HRK: variants seen among roughly 807,000 people sequenced by gnomAD.
HRK encodes harakiri, BCL2 interacting protein.
In HRK, 6 loss-of-function variants were observed where a neutral mutation model predicts 5.9. The observed-to-expected ratio is 1.02, with a 90% CI of 0.56 to 2.01. The LOEUF (loss-of-function observed/expected upper bound fraction) is 2.01, where lower values mean the gene tolerates loss of function less well. Among genes scored for constraint, HRK ranks in the 30% most tolerant of loss-of-function variants. The pLI is 0.00. For synonymous variants in HRK, 85 were observed against 65.1 expected, an observed-to-expected ratio of 1.31 and a Z score of -1.47; for missense variants, 133 against 128.3, an observed-to-expected ratio of 1.04 and a Z score of -0.18.
At chr12:116,871,459 C>A (rs374113294) in intron 1 of HRK, among the ~76,000 whole-genome samples, 1 of 151,494 alleles carries the variant, frequency 6.6e-6, no homozygotes, top group Non-Finnish European at 1.5e-5. Context: ...TGTGCCACCA[C>A]ACCAGGCTAA....
rs1458657202 is a variant in HRK, at chr12:116,858,543, T to A, written c.*2980A>T. The A allele has an allele frequency of 7.2e-6, 1 of 139,144 alleles. No individual in the cohort carries two copies. Among genetic ancestry groups the A allele is most frequent in the Non-Finnish European group, 1.5e-5 (1 of 65,598 alleles). The allele number at this position is 139,144 out of a possible 1,614,324, so 8.6% of individuals were successfully genotyped here. On this transcript the variant is annotated 3_prime_UTR_variant, in exon 2 of 2. Coordinates refer to ENST00000257572, the MANE Select transcript of HRK (RefSeq NM_003806.4). ...ATTATGCAGCAAGCTACCTAAACGA[T>A]GATCTCAGAGGCCTCCCTCTGCTTG...
intron 1 of HRK, among the ~76,000 whole-genome samples, chr12:116,866,983 A>G (rs1450388218): frequency 6.6e-6 from 1 of 151,972 alleles, no homozygotes; most frequent in East Asian, 1.9e-4. Context: ...TTTGTTTGCA[A>G]AGTTGTCCAA....
intron 1 of HRK, among the ~76,000 whole-genome samples, chr12:116,873,433 G>A (rs1478667335): frequency 1.3e-5 from 2 of 152,150 alleles, no homozygotes; most frequent in African/African-American, 2.4e-5. Flanking sequence ...ACAGTGGTAC[G>A]ATTATAGCTC....
chr12:116,879,894 C>T lies in HRK; in HGVS notation c.*56+1082G>A, dbSNP rs1229857741. Among the ~76,000 whole-genome samples, 1 of 152,230 alleles carries T rather than the reference C, an allele frequency of 6.6e-6. No homozygotes were observed. The highest frequency in any genetic ancestry group is 1.5e-5 in the Non-Finnish European group (1 of 68,024). On this transcript the variant is annotated intron_variant, in intron 1 of 1. Coordinates refer to ENST00000257572, the MANE Select transcript of HRK (RefSeq NM_003806.4). This position sits in a 1 kb window ranked among gnomAD's most constrained non-coding sequence, Gnocchi z 5.6. ...CTGGCTATGTCACCTTCGAGCTTCA[C>T]CTTCCGGCCCTAGACCCATCTATGG...
rs180697021 is a variant in HRK, at chr12:116,866,463, G to A, written c.*57-4997C>T. Among the ~76,000 whole-genome samples the A allele has an allele frequency of 1.1e-3, 160 of 151,780 alleles. 1 individual carries two copies. The highest frequency in any genetic ancestry group is 1.4e-3 in the East Asian group (7 of 5,172). On this transcript the variant is annotated intron_variant, in intron 1 of 1. Coordinates refer to ENST00000257572, the MANE Select transcript of HRK (RefSeq NM_003806.4). ...ATCCTCTTGAAAAGAAGATTGCTCC[G>A]GTCCATGTTATCCCTTAAATCTCCA...
rs1879016993 is a variant in HRK at position 116,878,451 on chromosome 12, AACTT to A, written c.*56+2521_*56+2524del. ...GGTGATTTTTCTTTCCCCTTTACTT[AACTT>A]ACCAGAGCTGGGAAAAAATGAGTTT... On this transcript the variant is annotated intron_variant, in intron 1 of 1. Coordinates refer to ENST00000257572, the MANE Select transcript of HRK (RefSeq NM_003806.4). The surrounding 1 kb of genome is among the most constrained non-coding windows in gnomAD (Gnocchi z 4.4). The A allele has an allele frequency of 6.6e-6, 1 of 152,262 alleles. No individual in the cohort carries two copies. Among genetic ancestry groups the A allele is most frequent in the South Asian group, 2.1e-4 (1 of 4,834 alleles). The allele number at this position is 152,262 out of a possible 1,614,324, so 9.4% of individuals were successfully genotyped here.
At position 116,860,874 on chromosome 12, in the gene HRK, T is replaced by A. The variant is rs1032713288; in HGVS notation, c.*649A>T. On this transcript the variant is annotated 3_prime_UTR_variant, in exon 2 of 2. Transcript: ENST00000257572. ...AGAGACACAAAAATCCCATTTCTCTTGACGTGACAGTGGGATCTAGCGATC... is the reference window on the plus strand; with the variant it reads ...AGAGACACAAAAATCCCATTTCTCTAGACGTGACAGTGGGATCTAGCGATC... The A allele has an allele frequency of 6.6e-6, 1 of 152,234 alleles. No individual in the cohort carries two copies. Among genetic ancestry groups the A allele is most frequent in the African/African-American group, 2.4e-5 (1 of 41,420 alleles). The allele number at this position is 152,234 out of a possible 1,614,324, so 9.4% of individuals were successfully genotyped here.
chr12:116,875,593 G>A (rs530718625), intron 1 of HRK, among the ~76,000 whole-genome samples: 36 of 152,210 alleles, frequency 2.4e-4, no homozygotes, highest in African/African-American at 7.9e-4. Flanking sequence ...GCCCAGGCTA[G>A]AGTACAGTGG....
Position 116,879,038 on chromosome 12 carries a change from C to A in HRK, c.*56+1938G>T, listed in dbSNP as rs1879039670. 1 of 152,360 alleles carries A rather than the reference C, an allele frequency of 6.6e-6. No individual in the cohort carries two copies. The highest frequency in any genetic ancestry group is 1.5e-5 in the Non-Finnish European group (1 of 68,214). The allele number at this position is 152,360 out of a possible 1,614,324, so 9.4% of individuals were successfully genotyped here. A position where few individuals can be genotyped will look rare whatever the true frequency, so the allele number is the denominator to read the frequency against. ...CCCGCCCCGCCCGCAGCCTCCCCTTCCAGGCCCCGGGAGCATTCCCACCCC... is the reference window on the plus strand; with the variant it reads ...CCCGCCCCGCCCGCAGCCTCCCCTTACAGGCCCCGGGAGCATTCCCACCCC... On this transcript the variant is annotated intron_variant, in intron 1 of 1. Coordinates refer to ENST00000257572, the MANE Select transcript of HRK (RefSeq NM_003806.4). The surrounding 1 kb of genome is among the most constrained non-coding windows in gnomAD (Gnocchi z 5.6).
At chr12:116,870,393 G>A (rs884378) in intron 1 of HRK, among the ~76,000 whole-genome samples, 43,361 of 151,980 alleles carry the variant, frequency 0.29, 6,829 homozygotes, top group African/African-American at 0.43. Flanking sequence ...CACGCTAGGC[G>A]TCATCCACAC....
rs1475999115 is a variant in HRK at position 116,858,953 on chromosome 12, A to C, written c.*2570T>G. ...ATACAAATGTCCATCAAGAAGTCAA[A>C]TCTCATATAAAAACAAGCATTAAAA... On this transcript the variant is annotated 3_prime_UTR_variant, in exon 2 of 2. Transcript: ENST00000257572. 8 of 152,166 alleles carry C rather than the reference A, an allele frequency of 5.3e-5. No homozygotes were observed. Among genetic ancestry groups the C allele is most frequent in the Admixed American group, 4.6e-4 (7 of 15,272 alleles). 9.4% of individuals were successfully genotyped at this position (152,166 alleles called of 1,614,324 possible). A position where few individuals can be genotyped will look rare whatever the true frequency, so the allele number is the denominator to read the frequency against.
At chr12:116,864,819 C>T (rs1878481002) in intron 1 of HRK, among the ~76,000 whole-genome samples, 1 of 152,038 alleles carries the variant, frequency 6.6e-6, no homozygotes, top group South Asian at 2.1e-4. Context: ...TTCCAAGCAG[C>T]AGTAGTAATC....
chr12:116,874,586 C>A (rs1413715563), intron 1 of HRK, among the ~76,000 whole-genome samples: 2 of 152,188 alleles, frequency 1.3e-5, no homozygotes, highest in Non-Finnish European at 2.9e-5. Context: ...CCTCACCACT[C>A]CCCCATGAGG....
chr12:116,870,010 G>A (rs1878689226), intron 1 of HRK, among the ~76,000 whole-genome samples: 1 of 152,136 alleles, frequency 6.6e-6, no homozygotes, highest in African/African-American at 2.4e-5. Context: ...AACCCGGGAG[G>A]CAGAGGTTGC....
chr12:116,859,104 G>C lies in HRK; in HGVS notation c.*2419C>G, dbSNP rs1878264153. 1 of 152,190 alleles carries C rather than the reference G, an allele frequency of 6.6e-6. No individual in the cohort carries two copies. Among genetic ancestry groups the C allele is most frequent in the Admixed American group, 6.5e-5 (1 of 15,278 alleles). The allele number at this position is 152,190 out of a possible 1,614,324, so 9.4% of individuals were successfully genotyped here. ...CAGGAGAATATCTACAAGGGACTTGGCTGAGAAGCTCTATCAGGAGGTCGT... is the reference window on the plus strand; with the variant it reads ...CAGGAGAATATCTACAAGGGACTTGCCTGAGAAGCTCTATCAGGAGGTCGT... On this transcript the variant is annotated 3_prime_UTR_variant, in exon 2 of 2. Coordinates refer to ENST00000257572, the MANE Select transcript of HRK (RefSeq NM_003806.4).
rs529764437 is a variant in HRK at position 116,856,939 on chromosome 12, T to A, written c.*4584A>T. 6.6e-6 allele frequency: 1 copy of A among 152,298 alleles called. No individual in the cohort carries two copies. Among genetic ancestry groups the A allele is most frequent in the African/African-American group, 2.4e-5 (1 of 41,464 alleles). 9.4% of individuals were successfully genotyped at this position (152,298 alleles called of 1,614,324 possible). ...ACGGGTAAAGCACTTCGCCCAGTGC[T>A]TGGGAGTGGCGAGCACGCCATAAAA... is the stretch of plus-strand genomic sequence containing the variant. On this transcript the variant is annotated 3_prime_UTR_variant, in exon 2 of 2. Coordinates refer to ENST00000257572, the MANE Select transcript of HRK (RefSeq NM_003806.4). The surrounding 1 kb of genome is among the most constrained non-coding windows in gnomAD (Gnocchi z 4.4).
In HRK at chr12:116,856,488, A is replaced by AT. The variant is rs1878151669; in HGVS notation, c.*5034dup. On this transcript the variant is annotated 3_prime_UTR_variant, in exon 2 of 2. Coordinates refer to ENST00000257572, the MANE Select transcript of HRK (RefSeq NM_003806.4). The surrounding 1 kb of genome is among the most constrained non-coding windows in gnomAD (Gnocchi z 4.4). ...CTAGGAAATAAGTCATACAGGCCCT[A>AT]TTTGCAAATTCCTTGCACCTTCCCC... 6.6e-6 allele frequency: 1 copy of AT among 152,194 alleles called. No homozygotes were observed. The highest frequency in any genetic ancestry group is 1.5e-5 in the Non-Finnish European group (1 of 68,038). The allele number at this position is 152,194 out of a possible 1,614,324, so 9.4% of individuals were successfully genotyped here.
At chr12:116,863,171 G>C (rs1878425482) in intron 1 of HRK, among the ~76,000 whole-genome samples, 1 of 152,224 alleles carries the variant, frequency 6.6e-6, no homozygotes, top group Non-Finnish European at 1.5e-5. Flanking sequence ...AAAGTGGAAG[G>C]GAGATCACTT....
chr12:116,867,247 T>C (rs921819301), intron 1 of HRK, among the ~76,000 whole-genome samples: 7 of 152,048 alleles, frequency 4.6e-5, no homozygotes, highest in Admixed American at 3.3e-4. Context: ...GTTCAAGCTA[T>C]TCTCCGGCCT....
Sources: gnomAD v4.1 joint callset for allele counts (sites outside exome capture counted in the v4.1 genomes callset) on GRCh38, gnomAD v4.1.1 for gene constraint, Gnocchi (gnomAD v3.1) non-coding constraint, MANE v1.5 for transcripts, NCBI Gene and HGNC (gene_info 2026-07-23, HGNC 2026-07-21) for gene names.